Variants in ZNF333 observed in about 807,000 individuals in gnomAD.
The protein encoded by ZNF333 is zinc finger protein 333.
In ZNF333, 61 loss-of-function variants were observed where a neutral mutation model predicts 76.1. The observed-to-expected ratio is 0.80, with a 90% CI of 0.65 to 0.99. The LOEUF (loss-of-function observed/expected upper bound fraction) is 0.99. ZNF333 is among the 50% of genes least tolerant of loss of function. The probability of loss-of-function intolerance (pLI) is 0.00; values close to 1 mark genes in which losing one functional copy is unlikely to be tolerated. For missense variants in ZNF333, 717 were observed against 822.4 expected (o/e 0.87, Z 1.57); for synonymous variants, 284 against 305.0 (o/e 0.93, Z 0.72).
At chr19:14,717,557 GA>G in intron 10 of ZNF333, 99 bp from the exon 11 acceptor site, 9 of 1,023,092 alleles carry the variant, frequency 8.8e-6, no homozygotes, top group Admixed American at 1.8e-5. Flanking sequence ...CAGTATTTGG[GA>G]AAAAAAGTCC....
At chr19:14,716,298 G>A in intron 9 of ZNF333, 60 bp downstream of exon 9, 1 of 1,559,902 alleles carries the variant, frequency 6.4e-7, no homozygotes, top group Non-Finnish European at 8.7e-7. Context: ...TTGCTCTGTT[G>A]CCTAGGCTGG....
At chr19:14,704,673 T>C (rs1047316436) in intron 5 of ZNF333, among the ~76,000 whole-genome samples, 1 of 152,138 alleles carries the variant, frequency 6.6e-6, no homozygotes, top group African/African-American at 2.4e-5. Flanking sequence ...AAACTCCCCT[T>C]ATAATAACCA....
exon 12 of ZNF333, chr19:14,733,589 A>AC (rs1386722888): frequency 7.0e-6 from 1 of 142,746 alleles, no homozygotes; most frequent in East Asian, 2.1e-4. Context: ...TATAAGCACA[A>AC]CAAAAAAAAC....
chr19:14,701,565 T>C, intron 5 of ZNF333: 1 of 985,364 alleles, frequency 1.0e-6, no homozygotes. Flanking sequence ...TCCACCTCCA[T>C]GTCTCTCTTG....
At chr19:14,690,305 G>A (rs1489141140) in intron 1 of ZNF333, among the ~76,000 whole-genome samples, 155 bp downstream of exon 1, 1 of 152,174 alleles carries the variant, frequency 6.6e-6, no homozygotes, top group Non-Finnish European at 1.5e-5. Flanking sequence ...TCAGGGCCTC[G>A]CATCTGGGCG....
chr19:14,717,571 A>G, intron 10 of ZNF333, 86 bp from the exon 11 acceptor site: 2 of 1,192,506 alleles, frequency 1.7e-6, no homozygotes, highest in South Asian at 1.2e-5. Flanking sequence ...AAAAGTCCAC[A>G]TGTGCCTTGC....
chr19:14,713,784 C>T (rs1035626502), intron 7 of ZNF333, among the ~76,000 whole-genome samples: 1 of 151,788 alleles, frequency 6.6e-6, no homozygotes, highest in Non-Finnish European at 1.5e-5. Context: ...ATAGTGAGAC[C>T]CCCATCTCTA....
chr19:14,691,170 C>T (rs925279195), intron 1 of ZNF333, among the ~76,000 whole-genome samples: 1 of 152,070 alleles, frequency 6.6e-6, no homozygotes, highest in African/African-American at 2.4e-5. Flanking sequence ...ATGTTTGAGA[C>T]GACTTTTACT....
At chr19:14,731,554 G>C in exon 12 of ZNF333, 1 of 232,442 alleles carries the variant, frequency 4.3e-6, no homozygotes, top group Non-Finnish European at 8.3e-6. Flanking sequence ...GAGGGAGAGG[G>C]TTCTTCAAAC....
At chr19:14,718,121 A>G in intron 11 of ZNF333, 107 bp from the exon 12 acceptor site, 6 of 1,437,940 alleles carry the variant, frequency 4.2e-6, no homozygotes, top group Non-Finnish European at 5.5e-6. Flanking sequence ...ATAAATGGTA[A>G]AAGTATCAGA....
intron 7 of ZNF333, chr19:14,715,044 T>A: frequency 5.7e-6 from 1 of 174,984 alleles, no homozygotes; most frequent in Non-Finnish European, 1.2e-5. Context: ...CGTGCGTGTG[T>A]GTGTGTGTGT....
rs557519658 is a variant in ZNF333 at position 14,717,038 on chromosome 19, A to G, written c.772A>G (p.Arg258Gly). The G allele has an allele frequency of 3.7e-6, 6 of 1,612,018 alleles. No individual in the cohort carries two copies. The South Asian group carries it at 5.5e-5, about 15-fold the overall frequency. The change falls in exon 10 of 12, where the codon AGA becomes GGA. Residue 258 changes from arginine to glycine, a missense_variant. Transcript: ENST00000292530. ...KPNALSYLEE[R>G]GEQWTTDRGV... Reference sequence around the variant, plus strand: ...CAATGCGTTGTCTTATTTGGAAGAAAGAGGAGAGCAGTGGACCACTGACAG... The same window carrying G: ...CAATGCGTTGTCTTATTTGGAAGAAGGAGGAGAGCAGTGGACCACTGACAG...
At chr19:14,724,720 C>G, downstream of ZNF333, among the ~76,000 whole-genome samples, 1 of 118,154 alleles carries the variant, frequency 8.5e-6, no homozygotes, top group Admixed American at 7.8e-5. Context: ...GAGCCGACAT[C>G]ATGCCATTGC....
At chr19:14,692,837 T>TC (rs1384131902) in intron 1 of ZNF333, among the ~76,000 whole-genome samples, 13 of 151,148 alleles carry the variant, frequency 8.6e-5, no homozygotes, top group African/African-American at 2.9e-4. Context: ...TTTTTTTTTT[T>TC]CTTGACATGG....
intron 5 of ZNF333, chr19:14,701,587 G>T: frequency 1.0e-6 from 1 of 985,430 alleles, no homozygotes; most frequent in Non-Finnish European, 1.2e-6. Context: ...TCAGCAGGTG[G>T]ACCCCATGTG....
At chr19:14,703,001 G>T (rs1159318358) in intron 5 of ZNF333, among the ~76,000 whole-genome samples, 11 of 151,900 alleles carry the variant, frequency 7.2e-5, no homozygotes. Flanking sequence ...TCAGGAGATC[G>T]AGACCATCCT....
chr19:14,724,073 C>T (rs896696499), downstream of ZNF333, among the ~76,000 whole-genome samples: 5 of 152,276 alleles, frequency 3.3e-5, no homozygotes, highest in African/African-American at 1.2e-4. Context: ...CAGGGTGTCT[C>T]CATCTTTTGG....
chr19:14,724,595 A>G (rs1399016121), downstream of ZNF333, among the ~76,000 whole-genome samples: 1 of 152,148 alleles, frequency 6.6e-6, no homozygotes, highest in Non-Finnish European at 1.5e-5. Context: ...GTGAAGCTCC[A>G]TCTCTACTAA....
intron 6 of ZNF333, 80 bp from the exon 7 acceptor site, chr19:14,706,605 CA>C: frequency 1.9e-6 from 2 of 1,027,108 alleles, no homozygotes; most frequent in Non-Finnish European, 3.1e-6. Context: ...ATCAAATATG[CA>C]CGTTCATTTG....
Sources: gnomAD v4.1 joint callset for allele counts (sites outside exome capture counted in the v4.1 genomes callset) on GRCh38, gnomAD v4.1.1 for gene constraint, MANE v1.5 for transcripts, NCBI Gene and HGNC (gene_info 2026-07-23, HGNC 2026-07-21) for gene names.